AUTS2: variants seen among roughly 807,000 people sequenced by gnomAD.
AUTS2 encodes the protein autism susceptibility gene 2 protein.
AUTS2 carries 17 observed loss-of-function variants against 112.4 expected under a neutral mutation model. The observed-to-expected ratio is 0.15, with a 90% confidence interval of 0.10 to 0.23. AUTS2 has a LOEUF of 0.23. AUTS2 is among the 10% of genes least tolerant of loss of function. The probability of loss-of-function intolerance (pLI) is 1.00; values close to 1 mark genes in which losing one functional copy is unlikely to be tolerated. For synonymous variants in AUTS2, 751 were observed against 702.7 expected (o/e 1.07, Z -1.09); for missense variants, 1,510 against 1,701.6 (o/e 0.89, Z 1.98).
intron 4 of AUTS2, among the ~76,000 whole-genome samples, chr7:70,381,115 G>A (rs1793349093): frequency 6.6e-6 from 1 of 151,778 alleles, no homozygotes; most frequent in Non-Finnish European, 1.5e-5. Flanking sequence ...TATTACCTGG[G>A]GAAAACACTG....
intron 3 of AUTS2, among the ~76,000 whole-genome samples, chr7:70,123,199 A>G (rs1407361068): frequency 6.6e-6 from 1 of 152,130 alleles, no homozygotes; most frequent in Non-Finnish European, 1.5e-5. Context: ...TTAACAAACC[A>G]ACCCACAGAA....
chr7:69,984,956 G>A (rs145491426), intron 2 of AUTS2, among the ~76,000 whole-genome samples: 1,545 of 152,286 alleles, frequency 0.01, 13 homozygotes, highest in Non-Finnish European at 0.014. Flanking sequence ...GTGACATGAA[G>A]TTTTGGAAAG....
chr7:70,083,220 T>G (rs948764247), intron 2 of AUTS2, among the ~76,000 whole-genome samples: 5 of 152,172 alleles, frequency 3.3e-5, no homozygotes, highest in Non-Finnish European at 7.3e-5. Context: ...GAGGAAGTCC[T>G]GAGGGAACCC....
rs747201590 is a variant in AUTS2 at position 69,933,638 on chromosome 7, C to T, written c.522+34140C>T. 5.0e-4 allele frequency among the ~76,000 whole-genome samples: 76 copies of T among 152,150 alleles called. No individual in the cohort carries two copies. In the Middle Eastern group the frequency reaches 0.01, roughly 20 times the overall value. On this transcript the variant is annotated intron_variant, in intron 2 of 18. Transcript: ENST00000342771. ...ACAGTGAGTTTTGCTATCCACTTGC[C>T]ACTTTCCTTTCCCTTCCTTTTTTTG...
chr7:69,870,444 G>GTGT (rs1285615598), intron 1 of AUTS2, among the ~76,000 whole-genome samples: 9 of 5,074 alleles, frequency 1.8e-3, no homozygotes, highest in Non-Finnish European at 2.1e-3. Context: ...GCGTATGTGT[G>GTGT]TGTAATATAT....
chr7:70,180,694 C>A (rs552222843), intron 4 of AUTS2, among the ~76,000 whole-genome samples: 1 of 152,232 alleles, frequency 6.6e-6, no homozygotes, highest in Admixed American at 6.5e-5. Context: ...TGAACTGCAA[C>A]CTACATTCTG....
intron 2 of AUTS2, among the ~76,000 whole-genome samples, chr7:70,030,010 C>T (rs1489443679): frequency 6.6e-6 from 1 of 152,184 alleles, no homozygotes; most frequent in Non-Finnish European, 1.5e-5. Context: ...TGCATGTCTT[C>T]TCATTAGGTA....
chr7:69,890,838 C>T (rs1794488661), intron 1 of AUTS2, among the ~76,000 whole-genome samples: 2 of 152,234 alleles, frequency 1.3e-5, no homozygotes, highest in African/African-American at 4.8e-5. Context: ...AAAGCCAGTG[C>T]TCCCAGACGT....
intron 6 of AUTS2, among the ~76,000 whole-genome samples, chr7:70,762,215 T>A (rs1789606189): frequency 6.6e-6 from 1 of 152,236 alleles, no homozygotes; most frequent in African/African-American, 2.4e-5. Flanking sequence ...AAAAATCAAC[T>A]TGTCAACTAT....
chr7:70,151,178 C>G (rs1328298341), intron 4 of AUTS2, among the ~76,000 whole-genome samples: 1 of 152,048 alleles, frequency 6.6e-6, no homozygotes, highest in Non-Finnish European at 1.5e-5. Flanking sequence ...GGGTGATGCA[C>G]GGAGAAAGGA....
At chr7:70,645,333 G>C (rs60652270) in intron 5 of AUTS2, among the ~76,000 whole-genome samples, 6,680 of 151,066 alleles carry the variant, frequency 0.044, 182 homozygotes, top group East Asian at 0.07. Flanking sequence ...CTCATTCCCC[G>C]CCAAACATTT....
At chr7:70,167,862 C>T in intron 4 of AUTS2, among the ~76,000 whole-genome samples, 1 of 152,106 alleles carries the variant, frequency 6.6e-6, no homozygotes, top group Non-Finnish European at 1.5e-5. Flanking sequence ...AGTTTACATG[C>T]CTCTTTTTTC....
chr7:70,301,694 A>G, intron 4 of AUTS2, among the ~76,000 whole-genome samples: 1 of 151,174 alleles, frequency 6.6e-6, no homozygotes, highest in East Asian at 1.9e-4. Context: ...AAATTTCATA[A>G]TGGATGCTAT....
Position 70,744,043 on chromosome 7 carries a change from G to A in AUTS2, c.743-18827G>A, listed in dbSNP as rs189981478. On this transcript the variant is annotated intron_variant, in intron 6 of 18. Transcript: ENST00000342771. ...ATCCAACTCATGTATTTCCAGCCCCGAGTGTTGGCAAAAACATTTTCATAT... is the reference window on the plus strand; with the variant it reads ...ATCCAACTCATGTATTTCCAGCCCCAAGTGTTGGCAAAAACATTTTCATAT... Among the ~76,000 whole-genome samples, 16 of 137,156 alleles carry A rather than the reference G, an allele frequency of 1.2e-4. 1 individual carries two copies. The highest frequency in any genetic ancestry group is 9.8e-4 in the Admixed American group (13 of 13,226). The allele number at this position is 137,156 out of a possible 152,430, so 90.0% of individuals were successfully genotyped here. A position where few individuals can be genotyped will look rare whatever the true frequency, so the allele number is the denominator to read the frequency against.
intron 5 of AUTS2, among the ~76,000 whole-genome samples, chr7:70,659,090 A>G (rs1806927789): frequency 1.3e-5 from 2 of 152,092 alleles, no homozygotes; most frequent in African/African-American, 4.8e-5. Flanking sequence ...GTGGTGTTAC[A>G]CATACTTAGC....
At chr7:69,795,173 A>G (rs1216056867) in intron 1 of AUTS2, among the ~76,000 whole-genome samples, 6 of 152,222 alleles carry the variant, frequency 3.9e-5, no homozygotes, top group African/African-American at 7.2e-5. Flanking sequence ...TATTATGGTT[A>G]CTATTATTAA....
At chr7:70,436,044 A>G in intron 5 of AUTS2, 2 of 380,848 alleles carry the variant, frequency 5.3e-6, no homozygotes, top group Non-Finnish European at 9.3e-6. Flanking sequence ...AAGATGACTC[A>G]TAGACTCAAA....
At chr7:70,334,767 T>A (rs1790914257) in intron 4 of AUTS2, among the ~76,000 whole-genome samples, 1 of 152,188 alleles carries the variant, frequency 6.6e-6, no homozygotes, top group African/African-American at 2.4e-5. Flanking sequence ...AAAATGGAGT[T>A]TTTTGGTACT....
intron 3 of AUTS2, among the ~76,000 whole-genome samples, chr7:70,131,479 C>T (rs1024985605): frequency 1.6e-4 from 24 of 152,140 alleles, no homozygotes; most frequent in Admixed American, 7.9e-4. Context: ...GGTTCTTTAC[C>T]TTTTGGTGAC....
Sources: allele counts gnomAD v4.1 joint callset (sites outside exome capture counted in the v4.1 genomes callset), GRCh38; gene constraint gnomAD v4.1.1; transcripts MANE v1.5; gene names NCBI Gene and HGNC (gene_info 2026-07-23, HGNC 2026-07-21).